Variants in TMEM108 observed in about 807,000 individuals in gnomAD.
TMEM108 encodes cancer/testis antigen 124.
Under a neutral mutation model 35.1 loss-of-function variants are expected in TMEM108, and 12 were observed. The ratio of observed to expected loss-of-function variants is 0.34; its 90% CI spans 0.22 to 0.55. TMEM108 has a LOEUF of 0.55. Among genes scored for constraint, TMEM108 ranks in the 20% least tolerant of loss-of-function variants. The pLI is 0.89. For synonymous variants in TMEM108, 287 were observed against 308.6 expected (o/e 0.93, Z 0.73); for missense variants, 680 against 753.3 (o/e 0.90, Z 1.14).
intron 3 of TMEM108, among the ~76,000 whole-genome samples, chr3:133,266,120 C>T (rs903330771): frequency 6.6e-6 from 1 of 151,916 alleles, no homozygotes; most frequent in Admixed American, 6.6e-5. Flanking sequence ...GCAGTAGTTT[C>T]CTTAGCCTAG....
intron 2 of TMEM108, among the ~76,000 whole-genome samples, chr3:133,111,806 C>T (rs1944228062): frequency 6.6e-6 from 1 of 152,128 alleles, no homozygotes; most frequent in Non-Finnish European, 1.5e-5. Flanking sequence ...TAGCTAAAGA[C>T]TTGTACTAGG....
rs549704136 is a variant in TMEM108 at position 133,199,790 on chromosome 3, A to G, written c.-46-29476A>G. Among the ~76,000 whole-genome samples the G allele has an allele frequency of 4.6e-5, 7 of 152,208 alleles. No homozygotes were observed. In the South Asian group the frequency reaches 8.3e-4, roughly 18 times the overall value. On this transcript the variant is annotated intron_variant, in intron 2 of 5. Coordinates refer to ENST00000321871, the MANE Select transcript of TMEM108 (RefSeq NM_023943.4). ...GCTGGGAGAACCACTACTCTCTTCA[A>G]AGCTGTCAGACTGGGACGTTTAAGT...
At chr3:133,234,629 C>T (rs1284547896) in intron 3 of TMEM108, among the ~76,000 whole-genome samples, 1 of 152,088 alleles carries the variant, frequency 6.6e-6, no homozygotes, top group Non-Finnish European at 1.5e-5. Context: ...CTATGACAAA[C>T]CCACAGCCAA....
intron 3 of TMEM108, among the ~76,000 whole-genome samples, chr3:133,331,357 T>C (rs2071391305): frequency 6.6e-6 from 1 of 152,220 alleles, no homozygotes; most frequent in South Asian, 2.1e-4. Flanking sequence ...GGTGAGTATA[T>C]GGATTTGATC....
At chr3:133,247,576 T>C (rs1946404465) in intron 3 of TMEM108, 1 of 151,970 alleles carries the variant, frequency 6.6e-6, no homozygotes, top group African/African-American at 2.4e-5. Context: ...AACCAGAAAA[T>C]TTTGAAATCA....
chr3:133,197,063 T>TA (rs751036554), intron 2 of TMEM108, among the ~76,000 whole-genome samples: 9 of 152,180 alleles, frequency 5.9e-5, no homozygotes, highest in Non-Finnish European at 1.0e-4. Flanking sequence ...GTGCTGATGA[T>TA]AACAAAAGTA....
rs1017476652 is a variant in TMEM108, at chr3:133,266,620, C to T, written c.40+37269C>T. Among the ~76,000 whole-genome samples the T allele has an allele frequency of 7.2e-5, 11 of 152,138 alleles. 1 individual carries two copies. Among genetic ancestry groups the T allele is most frequent in the African/African-American group, 2.2e-4 (9 of 41,422 alleles). ...GGTTTACTGTATAGTTTTTAAATCT[C>T]CACAGGTAATTCTGATATGTTCTCC... On this transcript the variant is annotated intron_variant, in intron 3 of 5. Transcript: ENST00000321871.
At chr3:133,377,320 C>CT (rs2072872545) in intron 3 of TMEM108, among the ~76,000 whole-genome samples, 1 of 152,214 alleles carries the variant, frequency 6.6e-6, no homozygotes, top group African/African-American at 2.4e-5. Context: ...GTCACCACCA[C>CT]TAGCCCTAGG....
chr3:133,233,487 C>T (rs958650809), intron 3 of TMEM108, among the ~76,000 whole-genome samples: 2 of 152,122 alleles, frequency 1.3e-5, no homozygotes, highest in Non-Finnish European at 2.9e-5. Flanking sequence ...GTGAATAGTG[C>T]CACAATAAAC....
At chr3:133,069,218 A>G (rs1178616556) in intron 2 of TMEM108, among the ~76,000 whole-genome samples, 3 of 152,206 alleles carry the variant, frequency 2.0e-5, no homozygotes, top group African/African-American at 7.2e-5. Context: ...ATTTCTTTAC[A>G]AACAATACCA....
chr3:133,269,409 C>T lies in TMEM108; in HGVS notation c.40+40058C>T, dbSNP rs574960766. Reference sequence around the variant, plus strand: ...CTAATGATTTCAGACCTCCCAGAGCCTTAGTCCCATTCTTCTCCAGGCATG... The same window carrying T: ...CTAATGATTTCAGACCTCCCAGAGCTTTAGTCCCATTCTTCTCCAGGCATG... On this transcript the variant is annotated intron_variant, in intron 3 of 5. Coordinates refer to ENST00000321871, the MANE Select transcript of TMEM108 (RefSeq NM_023943.4). Among the ~76,000 whole-genome samples, 6 of 152,266 alleles carry T rather than the reference C, an allele frequency of 3.9e-5. No individual in the cohort carries two copies. In the South Asian group the frequency reaches 1.2e-3, roughly 32 times the overall value.
chr3:133,103,399 C>T (rs1576319970), intron 2 of TMEM108, among the ~76,000 whole-genome samples: 1 of 152,152 alleles, frequency 6.6e-6, no homozygotes, highest in Non-Finnish European at 1.5e-5. Flanking sequence ...CACATGGACA[C>T]ATAGAGGGAA....
At chr3:133,328,895 G>T (rs2071361932) in intron 3 of TMEM108, among the ~76,000 whole-genome samples, 1 of 152,188 alleles carries the variant, frequency 6.6e-6, no homozygotes, top group South Asian at 2.1e-4. Flanking sequence ...CAAGGAGGAA[G>T]ATGGTTAGAG....
chr3:133,275,751 G>C (rs2107684951), intron 3 of TMEM108, among the ~76,000 whole-genome samples: 1 of 152,220 alleles, frequency 6.6e-6, no homozygotes, highest in East Asian at 1.9e-4. Flanking sequence ...TACACACTGA[G>C]ATAAAGAAAG....
intron 3 of TMEM108, among the ~76,000 whole-genome samples, chr3:133,328,040 G>C (rs1455726916): frequency 6.6e-6 from 1 of 152,148 alleles, no homozygotes; most frequent in Non-Finnish European, 1.5e-5. Context: ...TTGGGGGCTT[G>C]CTGTTTAGTT....
chr3:133,108,185 C>G (rs1422216144), intron 2 of TMEM108, among the ~76,000 whole-genome samples: 3 of 152,114 alleles, frequency 2.0e-5, no homozygotes, highest in Admixed American at 2.0e-4. Flanking sequence ...AAGCCAAGAT[C>G]ACACCGCTGT....
chr3:133,113,025 G>A (rs1440137396), intron 2 of TMEM108, among the ~76,000 whole-genome samples: 3 of 152,196 alleles, frequency 2.0e-5, no homozygotes, highest in Non-Finnish European at 4.4e-5. Context: ...AAGACTTCAA[G>A]AAGTATGTCA....
intron 3 of TMEM108, among the ~76,000 whole-genome samples, chr3:133,234,844 A>G (rs960099929): frequency 2.0e-5 from 3 of 152,218 alleles, no homozygotes; most frequent in African/African-American, 7.2e-5. Context: ...TTGTATATCT[A>G]GAAAACCCCA....
chr3:133,068,172 A>C (rs1447624925), intron 2 of TMEM108, among the ~76,000 whole-genome samples: 1 of 152,120 alleles, frequency 6.6e-6, no homozygotes, highest in Non-Finnish European at 1.5e-5. Flanking sequence ...ACACTGTTGC[A>C]TTGGGGATTA....
Sources: gnomAD v4.1 joint callset for allele counts (sites outside exome capture counted in the v4.1 genomes callset) on GRCh38, gnomAD v4.1.1 for gene constraint, MANE v1.5 for transcripts, NCBI Gene and HGNC (gene_info 2026-07-23, HGNC 2026-07-21) for gene names.